Variants in SYNE2 observed in about 807,000 individuals in gnomAD.
SYNE2 encodes nesprin-2.
A neutral mutation model predicts 856.3 loss-of-function variants in SYNE2; 431 were observed. That is an observed-to-expected ratio of 0.50 (90% confidence interval 0.47 to 0.55). The LOEUF is 0.55. SYNE2 is among the 20% of genes least tolerant of loss of function. The pLI, the probability that SYNE2 is intolerant of heterozygous loss-of-function variation, is 0.00. For missense variants in SYNE2, 8,129 were observed against 8,023.2 expected (o/e 1.01, Z -0.50); for synonymous variants, 2,923 against 2,872.3 (o/e 1.02, Z -0.56).
intron 98 of SYNE2, chr14:64,188,952 T>G (rs1399622371): frequency 2.8e-6 from 2 of 703,372 alleles, no homozygotes; most frequent in South Asian, 3.0e-5. Flanking sequence ...TTCTCTCCAT[T>G]AGAAAGTTTC....
chr14:64,075,900 T>A, intron 53 of SYNE2, 45 bp from the exon 54 acceptor site: 1 of 1,609,286 alleles, frequency 6.2e-7, no homozygotes, highest in Non-Finnish European at 8.5e-7. Flanking sequence ...GAATTAAACT[T>A]TTCCCCCAGT....
chr14:64,013,886 A>G (rs1400412317), intron 32 of SYNE2, among the ~76,000 whole-genome samples: 1 of 152,124 alleles, frequency 6.6e-6, no homozygotes, highest in Non-Finnish European at 1.5e-5. Context: ...AGTTTCCCCA[A>G]TGGTAAAACT....
chr14:64,066,309 A>T (rs1233405233), intron 51 of SYNE2, among the ~76,000 whole-genome samples: 1 of 152,072 alleles, frequency 6.6e-6, no homozygotes, highest in African/African-American at 2.4e-5. Flanking sequence ...AGAACAGACC[A>T]GGCAATGGAG....
chr14:64,196,901 G>C (rs1465675571), intron 99 of SYNE2: 1 of 152,196 alleles, frequency 6.6e-6, no homozygotes, highest in Non-Finnish European at 1.5e-5. Context: ...CTTCCCGCTG[G>C]CATTGCCCTG....
chr14:63,994,363 TG>T (rs1411952713), intron 22 of SYNE2, among the ~76,000 whole-genome samples: 2 of 152,212 alleles, frequency 1.3e-5, no homozygotes, highest in African/African-American at 4.8e-5. Flanking sequence ...ATAATTAAAA[TG>T]TGTGTGTCTA....
At chr14:63,890,670 G>A (rs1328526595) in intron 1 of SYNE2, among the ~76,000 whole-genome samples, 2 of 152,070 alleles carry the variant, frequency 1.3e-5, no homozygotes, top group Non-Finnish European at 2.9e-5. Context: ...TTAGAGGAAT[G>A]GACTTGTTTT....
chr14:64,042,062 ACTAT>A (rs993515144), intron 45 of SYNE2, among the ~76,000 whole-genome samples: 13 of 152,212 alleles, frequency 8.5e-5, no homozygotes, highest in Non-Finnish European at 1.5e-4. Flanking sequence ...ATATCACAGC[ACTAT>A]CTATTATATG....
intron 1 of SYNE2, among the ~76,000 whole-genome samples, chr14:63,844,617 T>C (rs1890172665): frequency 6.6e-6 from 1 of 152,226 alleles, no homozygotes; most frequent in Non-Finnish European, 1.5e-5. Context: ...TTTTTTTACA[T>C]TCATATTCAT....
chr14:63,829,862 T>C (rs917921574), intron 1 of SYNE2, among the ~76,000 whole-genome samples: 1 of 151,994 alleles, frequency 6.6e-6, no homozygotes, highest in African/African-American at 2.4e-5. Context: ...CAAGTAATCC[T>C]CCCACCTCAG....
intron 1 of SYNE2, among the ~76,000 whole-genome samples, chr14:63,772,099 T>A (rs940986421): frequency 3.9e-5 from 6 of 152,198 alleles, no homozygotes; most frequent in Non-Finnish European, 7.3e-5. Flanking sequence ...ATGCCTGTAA[T>A]CCCAGCACTT....
At chr14:64,038,609 G>A (rs533316890) in intron 45 of SYNE2, among the ~76,000 whole-genome samples, 78 of 152,378 alleles carry the variant, frequency 5.1e-4, no homozygotes, top group Non-Finnish European at 8.5e-4. Flanking sequence ...GGAGGCCGAG[G>A]CTGGTGGATC....
chr14:63,871,593 A>G (rs535847190), intron 1 of SYNE2, among the ~76,000 whole-genome samples: 19 of 127,198 alleles, frequency 1.5e-4, no homozygotes, highest in African/African-American at 5.2e-4. Flanking sequence ...AGTGGTTTTA[A>G]AAGAGATGTC....
At chr14:64,074,650 C>G (rs912106350) in intron 53 of SYNE2, among the ~76,000 whole-genome samples, 1 of 152,176 alleles carries the variant, frequency 6.6e-6, no homozygotes, top group Non-Finnish European at 1.5e-5. Context: ...AATCCCAGCA[C>G]TTTGAGAGGT....
intron 61 of SYNE2, among the ~76,000 whole-genome samples, chr14:64,096,653 G>A (rs1017962983): frequency 5.3e-5 from 8 of 152,200 alleles, no homozygotes; most frequent in Admixed American, 4.6e-4. Flanking sequence ...TTTGACTTCA[G>A]ACAGAATAGG....
chr14:64,209,355 C>T (rs2098628258), intron 101 of SYNE2, 73 bp from the exon 102 acceptor site: 1 of 1,611,896 alleles, frequency 6.2e-7, no homozygotes, highest in Admixed American at 1.7e-5. Context: ...GTGCGGGTGT[C>T]AGGGGATAAA....
At chr14:64,066,939 G>A (rs2097362769) in intron 51 of SYNE2, among the ~76,000 whole-genome samples, 1 of 152,232 alleles carries the variant, frequency 6.6e-6, no homozygotes, top group South Asian at 2.1e-4. Context: ...CCTGCTCACT[G>A]CTGTAACCTT....
intron 99 of SYNE2, chr14:64,190,926 G>A (rs2139644276): frequency 2.9e-6 from 2 of 701,630 alleles, no homozygotes; most frequent in Non-Finnish European, 2.6e-6. Context: ...ACAAACTCCA[G>A]GTGGATGTTT....
At chr14:64,189,964 A>ATTTTTTT in intron 98 of SYNE2, 107 bp from the exon 99 acceptor site, 3 of 1,177,004 alleles carry the variant, frequency 2.5e-6, no homozygotes, top group Non-Finnish European at 2.3e-6. Context: ...TGCCTGGCCA[A>ATTTTTTT]TTTTTTTTTT....
At chr14:63,765,234 G>A (rs1431279732) in intron 1 of SYNE2, among the ~76,000 whole-genome samples, 1 of 152,222 alleles carries the variant, frequency 6.6e-6, no homozygotes, top group Non-Finnish European at 1.5e-5. Flanking sequence ...GAGCAGAGTA[G>A]CAGAAGGGCA....
Sources: allele counts gnomAD v4.1 joint callset (sites outside exome capture counted in the v4.1 genomes callset), GRCh38; gene constraint gnomAD v4.1.1; transcripts MANE v1.5; gene names NCBI Gene and HGNC (gene_info 2026-07-23, HGNC 2026-07-21).